ENOX1: variants seen among roughly 807,000 people sequenced by gnomAD.
The protein encoded by ENOX1 is ecto-NOX disulfide-thiol exchanger 1.
Under a neutral mutation model 82.5 loss-of-function variants are expected in ENOX1, and 42 were observed. The observed-to-expected ratio is 0.51, with a 90% CI of 0.40 to 0.66. The LOEUF (loss-of-function observed/expected upper bound fraction) is 0.66, where lower values mean the gene tolerates loss of function less well. Among genes scored for constraint, ENOX1 ranks in the 30% least tolerant of loss-of-function variants. The probability of loss-of-function intolerance (pLI) is 0.00; values close to 1 mark genes in which losing one functional copy is unlikely to be tolerated. For synonymous variants in ENOX1, 271 were observed against 282.2 expected (o/e 0.96, Z 0.40); for missense variants, 608 against 811.6 (o/e 0.75, Z 3.05).
intron 8 of ENOX1, among the ~76,000 whole-genome samples, chr13:43,347,012 A>T (rs917137706): frequency 2.0e-5 from 3 of 152,202 alleles, no homozygotes; most frequent in African/African-American, 7.2e-5. Flanking sequence ...TGAGCTTTGC[A>T]GGGACAGAGT....
At chr13:43,416,462 G>GGT (rs2054575413) in intron 3 of ENOX1, among the ~76,000 whole-genome samples, 3 of 139,886 alleles carry the variant, frequency 2.1e-5, no homozygotes, top group Non-Finnish European at 3.1e-5. Flanking sequence ...ATCCCAGATG[G>GGT]GGTGGCCGGG....
At chr13:43,360,473 G>A (rs1341841815) in intron 6 of ENOX1, among the ~76,000 whole-genome samples, 4 of 151,994 alleles carry the variant, frequency 2.6e-5, no homozygotes, top group African/African-American at 9.7e-5. Context: ...AACAGAATAC[G>A]GGAAGCATAA....
At chr13:43,614,542 C>T (rs375065142) in intron 2 of ENOX1, among the ~76,000 whole-genome samples, 13 of 129,836 alleles carry the variant, frequency 1.0e-4, no homozygotes, top group South Asian at 2.5e-4. Flanking sequence ...AAATAAAGGG[C>T]TTTTTTTTTT....
At chr13:43,364,555 CA>C (rs902212040) in intron 5 of ENOX1, among the ~76,000 whole-genome samples, 106 of 150,856 alleles carry the variant, frequency 7.0e-4, no homozygotes, top group African/African-American at 2.4e-3. Flanking sequence ...TGAAAACAAA[CA>C]AAAAAAAATC....
rs761082060 is a variant in ENOX1 at position 43,322,413 on chromosome 13, G to A, written c.1232C>T (p.Pro411Leu). Residue 411 changes from proline to leucine, a missense_variant, in exon 11 of 17, where the codon CCT (proline) becomes CTT (leucine). Transcript: ENST00000690772. ...EMSDDENCDS[P>L]TKKMRVDESA... ...TTCATCGACTCTCATTTTCTTTGTA[G>A]GGCTGTCACAGTTCTCATCATCAGA... 2.5e-6 allele frequency: 4 copies of A among 1,613,948 alleles called. No individual in the cohort carries two copies. Among genetic ancestry groups the A allele is most frequent in the South Asian group, 2.2e-5 (2 of 91,048 alleles).
intron 2 of ENOX1, among the ~76,000 whole-genome samples, chr13:43,590,669 G>A (rs576243223): frequency 2.0e-5 from 3 of 151,554 alleles, no homozygotes; most frequent in South Asian, 2.1e-4. Context: ...CCAACTACTC[G>A]GAAGGCTGAG....
At chr13:43,476,243 C>G (rs1428566355) in intron 3 of ENOX1, among the ~76,000 whole-genome samples, 2 of 151,956 alleles carry the variant, frequency 1.3e-5, no homozygotes, top group Non-Finnish European at 1.5e-5. Context: ...ATAAAACAAG[C>G]CTAAAATCTA....
intron 1 of ENOX1, among the ~76,000 whole-genome samples, chr13:43,738,202 T>C (rs1183746052): frequency 2.0e-5 from 3 of 152,202 alleles, no homozygotes; most frequent in African/African-American, 7.2e-5. Flanking sequence ...TAGTACATGA[T>C]ACCACCTAGA....
chr13:43,752,205 T>A (rs1209916917), intron 1 of ENOX1, among the ~76,000 whole-genome samples: 1 of 152,218 alleles, frequency 6.6e-6, no homozygotes, highest in Non-Finnish European at 1.5e-5. Context: ...TCTGTTCAAT[T>A]CATTTCCCCA....
At chr13:43,619,213 A>G (rs1444441892) in intron 2 of ENOX1, among the ~76,000 whole-genome samples, 1 of 152,048 alleles carries the variant, frequency 6.6e-6, no homozygotes, top group African/African-American at 2.4e-5. Context: ...TTCTTTACTG[A>G]TTTGGATGCC....
intron 15 of ENOX1, among the ~76,000 whole-genome samples, chr13:43,230,607 T>C (rs1178602558): frequency 6.6e-6 from 1 of 152,176 alleles, no homozygotes; most frequent in Non-Finnish European, 1.5e-5. Flanking sequence ...CCTAATTTTA[T>C]GCAGTATGAG....
At chr13:43,632,955 A>G (rs2067880875) in intron 2 of ENOX1, among the ~76,000 whole-genome samples, 1 of 152,136 alleles carries the variant, frequency 6.6e-6, no homozygotes, top group Non-Finnish European at 1.5e-5. Context: ...TATATTTAAT[A>G]TCTTGTAAAA....
chr13:43,241,482 T>G (rs2042829262), intron 14 of ENOX1, among the ~76,000 whole-genome samples: 1 of 152,108 alleles, frequency 6.6e-6, no homozygotes, highest in Non-Finnish European at 1.5e-5. Flanking sequence ...ACGGGAACAT[T>G]AGGATGGAGA....
intron 5 of ENOX1, among the ~76,000 whole-genome samples, chr13:43,383,679 T>C (rs1234681011): frequency 3.9e-5 from 6 of 152,180 alleles, no homozygotes; most frequent in Admixed American, 6.5e-5. Context: ...CTGTTGTTTA[T>C]AGGGCTGCAA....
rs139717285 is a variant in ENOX1 at position 43,412,028 on chromosome 13, C to A, written c.96G>T (p.Ala32=). The A allele has an allele frequency of 6.8e-6, 11 of 1,613,934 alleles. No individual in the cohort carries two copies. Among genetic ancestry groups the A allele is most frequent in the Non-Finnish European group, 8.5e-6 (10 of 1,179,980 alleles). Residue 32 remains alanine (A), a synonymous_variant, in exon 5 of 17, where the codon GCG becomes GCT. Transcript: ENST00000690772. ...AAAADGLGSI[A]IDTTQLNMSV... ...ACATGTTGAGCTGGGTCGTGTCTAT[C>A]GCTATACTCCCCAAACCATCGGCTG...
intron 3 of ENOX1, among the ~76,000 whole-genome samples, chr13:43,440,605 T>C (rs1015815647): frequency 2.0e-5 from 3 of 152,206 alleles, no homozygotes; most frequent in Admixed American, 6.5e-5. Context: ...TATCATCTCA[T>C]GTAGTTTCCA....
At position 43,411,926 on chromosome 13, in the gene ENOX1, C is replaced by G. The variant is rs1448366430; in HGVS notation, c.198G>C (p.Gln66His). The change falls in exon 5 of 17, where the codon CAG becomes CAC. Residue 66 changes from glutamine to histidine, a missense_variant. By Grantham distance (24) the Gln-to-His change is conservative. Coordinates refer to ENST00000690772, the MANE Select transcript of ENOX1 (RefSeq NM_001347969.2). ...CAGGAGAAAGCTTACCAGACACGAG[C>G]TGCTGTCCAGGCAACCCTACGGGAA... ...GMVPVGLPGQ[Q>H]LVSDSICVPG... The G allele has an allele frequency of 6.2e-7, 1 of 1,614,190 alleles. No individual in the cohort carries two copies. Among genetic ancestry groups the G allele is most frequent in the Non-Finnish European group, 8.5e-7 (1 of 1,180,018 alleles).
intron 3 of ENOX1, among the ~76,000 whole-genome samples, chr13:43,461,990 C>A (rs933288406): frequency 6.6e-6 from 1 of 152,178 alleles, no homozygotes; most frequent in East Asian, 1.9e-4. Flanking sequence ...ATGTGGAGAA[C>A]AAGCCACTGA....
intron 1 of ENOX1, among the ~76,000 whole-genome samples, chr13:43,751,743 T>C (rs944016457): frequency 2.6e-5 from 4 of 152,232 alleles, no homozygotes; most frequent in Non-Finnish European, 4.4e-5. Flanking sequence ...AGTTTCAGCA[T>C]GGATAGGCTA....
Sources: gnomAD v4.1 joint callset for allele counts (sites outside exome capture counted in the v4.1 genomes callset) on GRCh38, gnomAD v4.1.1 for gene constraint, MANE v1.5 for transcripts, NCBI Gene and HGNC (gene_info 2026-07-23, HGNC 2026-07-21) for gene names.